FMN2: variants seen among roughly 807,000 people sequenced by gnomAD.
The protein encoded by FMN2 is formin-2.
FMN2 carries 51 observed loss-of-function variants against 142.3 expected under a neutral mutation model. The observed-to-expected ratio is 0.36, with a 90% CI of 0.29 to 0.45. FMN2 has a LOEUF of 0.45. Ranked by LOEUF, FMN2 falls within the 20% of genes least tolerant of loss-of-function variation. The pLI is 1.00. For missense variants in FMN2, 1,936 were observed against 2,122.8 expected (o/e 0.91, Z 1.73); for synonymous variants, 882 against 869.8 (o/e 1.01, Z -0.25).
chr1:240,372,737 C>G (rs887189403), intron 14 of FMN2, among the ~76,000 whole-genome samples: 1 of 151,000 alleles, frequency 6.6e-6, no homozygotes, highest in African/African-American at 2.4e-5. Flanking sequence ...TGGTTCCAGA[C>G]CACCACAGTA....
rs1157197022 is a variant in FMN2, at chr1:240,333,914, A to G, written c.4612A>G (p.Ile1538Val). Residue 1538 changes from isoleucine (I) to valine (V), a missense_variant, in exon 12 of 18, where the codon ATT (isoleucine) becomes GTT (valine). Physicochemically the swap from Ile to Val is conservative, Grantham distance 29. Around this residue, in one of 8 missense-constraint regions of FMN2, gnomAD observed 322 missense variants for 401.6 expected, o/e 0.80. Transcript: ENST00000319653. ...SDNSRSLLSY[I>V]VSYYLRNFDE... ...CAATAGCAGAAGCCTTTTGTCATAT[A>G]TTGTTTCGTATTATCTCCGAAATTT... The G allele has an allele frequency of 9.3e-6, 15 of 1,610,288 alleles. No individual in the cohort carries two copies. Among genetic ancestry groups the G allele is most frequent in the Non-Finnish European group, 1.3e-5 (15 of 1,178,566 alleles).
rs34050336 is a variant in FMN2, at chr1:240,184,236, C to CTTTTTTTTTTTTTTTTTTT, written c.1931-3965_1931-3947dup. Among the ~76,000 whole-genome samples, 5 of 79,438 alleles carry CTTTTTTTTTTTTTTTTTTT rather than the reference C, an allele frequency of 6.3e-5. 1 individual carries two copies. The highest frequency in any genetic ancestry group is 1.5e-4 in the African/African-American group (3 of 19,998). 52.1% of individuals were successfully genotyped at this position (79,438 alleles called of 152,430 possible). A position where few individuals can be genotyped will look rare whatever the true frequency, so the allele number is the denominator to read the frequency against. On this transcript the variant is annotated intron_variant, in intron 3 of 17. Transcript: ENST00000319653. ...AACTTTTTAAAATGGAATATTTAACCTTTTTTTTTTTTTTTTTTTTTTTTG... is the reference window on the plus strand; with the variant it reads ...AACTTTTTAAAATGGAATATTTAACCTTTTTTTTTTTTTTTTTTTTTTTTTTTTTTTTTTTTTTTTTTTG...
intron 14 of FMN2, among the ~76,000 whole-genome samples, chr1:240,385,391 T>C (rs1467061064): frequency 1.3e-5 from 2 of 152,120 alleles, no homozygotes; most frequent in African/African-American, 4.8e-5. Flanking sequence ...TTCAATAGGG[T>C]AGTTGTCTCT....
intron 6 of FMN2, among the ~76,000 whole-genome samples, chr1:240,241,455 A>C (rs896997151): frequency 1.3e-5 from 2 of 152,130 alleles, no homozygotes; most frequent in African/African-American, 2.4e-5. Flanking sequence ...GTGTGTGCAC[A>C]TGGCTCTCAG....
At chr1:240,334,857 G>A (rs1018495510) in intron 13 of FMN2, among the ~76,000 whole-genome samples, 14 of 151,834 alleles carry the variant, frequency 9.2e-5, no homozygotes, top group Admixed American at 8.5e-4. Context: ...ATTGAGTTGC[G>A]AACACCTCAG....
At chr1:240,446,782 G>A (rs541151298) in intron 16 of FMN2, among the ~76,000 whole-genome samples, 2 of 152,028 alleles carry the variant, frequency 1.3e-5, no homozygotes, top group Non-Finnish European at 2.9e-5. Flanking sequence ...AAAAACGTAA[G>A]GAGCCAAAGG....
At chr1:240,211,973 C>T (rs545062140) in intron 6 of FMN2, among the ~76,000 whole-genome samples, 7 of 152,186 alleles carry the variant, frequency 4.6e-5, no homozygotes, top group Admixed American at 1.3e-4. Flanking sequence ...TAATGGTGCC[C>T]GTCTTTACCC....
intron 2 of FMN2, among the ~76,000 whole-genome samples, chr1:240,137,837 A>G (rs1414937618): frequency 6.6e-6 from 1 of 152,100 alleles, no homozygotes; most frequent in Admixed American, 6.6e-5. Context: ...CACACCTGTA[A>G]TCCCAACACT....
intron 2 of FMN2, among the ~76,000 whole-genome samples, chr1:240,152,628 A>G (rs1007678695): frequency 6.6e-6 from 1 of 152,160 alleles, no homozygotes; most frequent in Non-Finnish European, 1.5e-5. Context: ...GCCTGTGCCT[A>G]CTTCTGGGAT....
intron 3 of FMN2, among the ~76,000 whole-genome samples, chr1:240,181,014 G>T (rs1665128943): frequency 6.6e-6 from 1 of 150,790 alleles, no homozygotes; most frequent in South Asian, 2.1e-4. Flanking sequence ...TTTTGTTGTT[G>T]TTTGTTTGTT....
chr1:240,278,494 G>A (rs1013782614), intron 7 of FMN2, among the ~76,000 whole-genome samples: 2 of 152,110 alleles, frequency 1.3e-5, no homozygotes, highest in Non-Finnish European at 2.9e-5. Context: ...GTTTTCCTTT[G>A]TGGTAGCCTG....
intron 15 of FMN2, among the ~76,000 whole-genome samples, chr1:240,413,179 G>A (rs1220880717): frequency 1.6e-5 from 2 of 126,920 alleles, no homozygotes; most frequent in East Asian, 5.3e-4. Flanking sequence ...GAGAAGGAAA[G>A]TAGGGGTATA....
chr1:240,276,163 G>T lies in FMN2; in HGVS notation c.4153+18131G>T, dbSNP rs190384425. Among the ~76,000 whole-genome samples, 5 of 152,316 alleles carry T rather than the reference G, an allele frequency of 3.3e-5. No homozygotes were observed. In the East Asian group the frequency reaches 9.7e-4, roughly 29 times the overall value. ...GGAAGTATAGTATGAATGCTGGGCA[G>T]CAGTGAAGGGCCCACCTGAGGTTAG... On this transcript the variant is annotated intron_variant, in intron 7 of 17. Transcript: ENST00000319653.
chr1:240,429,199 T>G (rs1328790177), intron 15 of FMN2, among the ~76,000 whole-genome samples: 5 of 152,184 alleles, frequency 3.3e-5, no homozygotes, highest in Non-Finnish European at 7.4e-5. Context: ...CCTTTATCAT[T>G]TTATTAATAT....
intron 7 of FMN2, among the ~76,000 whole-genome samples, chr1:240,271,622 A>G (rs1333894344): frequency 6.6e-6 from 1 of 152,076 alleles, no homozygotes; most frequent in African/African-American, 2.4e-5. Flanking sequence ...ATTGAAATGT[A>G]AAGTCATTGA....
intron 2 of FMN2, chr1:240,142,937 A>C: frequency 6.9e-6 from 11 of 1,605,544 alleles, no homozygotes; most frequent in Non-Finnish European, 9.4e-6. Context: ...CCACCAGCCC[A>C]TACAATACAT....
At chr1:240,334,043 T>C in intron 12 of FMN2, 66 bp from the exon 13 acceptor site, 1 of 1,572,194 alleles carries the variant, frequency 6.4e-7, no homozygotes. Context: ...TGGACATACC[T>C]GCTATTATTC....
At chr1:240,266,616 T>C (rs1207290341) in intron 7 of FMN2, among the ~76,000 whole-genome samples, 1 of 152,144 alleles carries the variant, frequency 6.6e-6, no homozygotes, top group African/African-American at 2.4e-5. Flanking sequence ...CCACCATTGA[T>C]GCACACCTAG....
intron 7 of FMN2, among the ~76,000 whole-genome samples, chr1:240,284,062 AG>A (rs1297517539): frequency 6.6e-6 from 1 of 152,182 alleles, no homozygotes; most frequent in African/African-American, 2.4e-5. Context: ...GAAAAGGAAA[AG>A]GCATGTGAAG....
Sources: gnomAD v4.1 joint callset for allele counts (sites outside exome capture counted in the v4.1 genomes callset) on GRCh38, gnomAD v4.1.1 for gene constraint, gnomAD v4.1.1 regional missense constraint, MANE v1.5 for transcripts, NCBI Gene and HGNC (gene_info 2026-07-23, HGNC 2026-07-21) for gene names.